Variants in ALG12 observed in about 807,000 individuals in gnomAD.
ALG12 encodes the protein ALG12 alpha-1,6-mannosyltransferase.
In ALG12, 36 loss-of-function variants were observed where a neutral mutation model predicts 46.0. The ratio of observed to expected loss-of-function variants is 0.78; its 90% CI spans 0.60 to 1.03. ALG12 has a LOEUF of 1.03. Among genes scored for constraint, ALG12 ranks in the 50% least tolerant of loss-of-function variants. The pLI is 0.00. For synonymous variants in ALG12, 326 were observed against 291.6 expected (o/e 1.12, Z -1.20); for missense variants, 599 against 633.5 (o/e 0.95, Z 0.58).
At chr22:49,908,691 C>T (rs1247438513) in intron 6 of ALG12, among the ~76,000 whole-genome samples, 1 of 144,552 alleles carries the variant, frequency 6.9e-6, no homozygotes, top group Non-Finnish European at 1.5e-5. Flanking sequence ...GTGGCTCACA[C>T]CTGTAATCCC....
At chr22:49,873,005 A>AT in the ALG12 span, among the ~76,000 whole-genome samples, 1 of 151,908 alleles carries the variant, frequency 6.6e-6, no homozygotes, top group Admixed American at 6.6e-5. Context: ...CAATGTTTTA[A>AT]TTTTTTGTAG....
the ALG12 span, chr22:49,885,417 C>T: frequency 6.2e-7 from 1 of 1,607,046 alleles, no homozygotes; most frequent in Non-Finnish European, 8.5e-7. Flanking sequence ...GTGGCCGGAC[C>T]ATCAGCCGGG....
chr22:49,876,313 A>C, the ALG12 span, among the ~76,000 whole-genome samples: 1 of 152,114 alleles, frequency 6.6e-6, no homozygotes, highest in East Asian at 1.9e-4. Context: ...TGTTGTTTGA[A>C]TCTTCCGTGT....
intron 6 of ALG12, among the ~76,000 whole-genome samples, chr22:49,908,402 C>T (rs2060555917): frequency 1.4e-5 from 2 of 145,010 alleles, no homozygotes; most frequent in Admixed American, 6.8e-5. Context: ...GTGGCATGTG[C>T]CTGTAATCCC....
intron 3 of ALG12, among the ~76,000 whole-genome samples, chr22:49,911,950 C>A (rs548155369): frequency 3.3e-5 from 5 of 152,226 alleles, no homozygotes; most frequent in African/African-American, 4.8e-5. Flanking sequence ...CCGTGCCCAA[C>A]AAGGGTAGCC....
chr22:49,880,394 C>T, the ALG12 span, among the ~76,000 whole-genome samples: 15 of 152,262 alleles, frequency 9.9e-5, no homozygotes, highest in African/African-American at 2.9e-4. Context: ...TAGCTCCCTC[C>T]TCTCCCGCGC....
intron 6 of ALG12, 98 bp from the exon 7 acceptor site, chr22:49,908,042 G>T: frequency 8.2e-7 from 1 of 1,217,842 alleles, no homozygotes; most frequent in Non-Finnish European, 1.2e-6. Context: ...AGACAGTTGT[G>T]CTGAGAGATG....
At position 49,901,412 on chromosome 22, in the gene ALG12, CAA is replaced by C. The variant is rs1307644531; in HGVS notation, c.*2424_*2425del. The C allele has an allele frequency of 1.3e-5, 2 of 152,298 alleles. No homozygotes were observed. Among genetic ancestry groups the C allele is most frequent in the Non-Finnish European group, 1.5e-5 (1 of 68,078 alleles). 9.4% of individuals were successfully genotyped at this position (152,298 alleles called of 1,614,324 possible). A position where few individuals can be genotyped will look rare whatever the true frequency, so the allele number is the denominator to read the frequency against. On this transcript the variant is annotated 3_prime_UTR_variant, in exon 10 of 10. Coordinates refer to ENST00000330817, the MANE Select transcript of ALG12 (RefSeq NM_024105.4). ...CACCTGGGCAACAGCCACAAGCTCT[CAA>C]AGAGCACAGGAAGAAATCATGTCTT...
the ALG12 span, among the ~76,000 whole-genome samples, chr22:49,878,488 T>C: frequency 1.3e-5 from 2 of 152,158 alleles, no homozygotes; most frequent in Non-Finnish European, 2.9e-5. Flanking sequence ...CAAAGTTACA[T>C]GGGCACTTCA....
At chr22:49,907,627 A>C in intron 7 of ALG12, 94 bp downstream of exon 7, 1 of 1,407,210 alleles carries the variant, frequency 7.1e-7, no homozygotes, top group Non-Finnish European at 9.8e-7. Flanking sequence ...CCTGTTTCAA[A>C]AATTAAACAC....
the ALG12 span, chr22:49,889,290 G>GT: frequency 2.4e-5 from 4 of 167,054 alleles, no homozygotes; most frequent in South Asian, 2.1e-4. Flanking sequence ...AGTCACAGCT[G>GT]TTTTTTTAAC....
At chr22:49,871,474 C>T in the ALG12 span, among the ~76,000 whole-genome samples, 4 of 151,930 alleles carry the variant, frequency 2.6e-5, no homozygotes, top group South Asian at 2.1e-4. Context: ...CAGAGTGAGA[C>T]TCTGTCTCAA....
At position 49,901,876 on chromosome 22, in the gene ALG12, GGT is replaced by G. The variant is rs1271777636; in HGVS notation, c.*1960_*1961del. The G allele has an allele frequency of 2.1e-5, 3 of 139,750 alleles. No individual in the cohort carries two copies. The highest frequency in any genetic ancestry group is 7.1e-5 in the Admixed American group (1 of 14,106). The allele number at this position is 139,750 out of a possible 1,614,324, so 8.7% of individuals were successfully genotyped here. On this transcript the variant is annotated 3_prime_UTR_variant, in exon 10 of 10. Coordinates refer to ENST00000330817, the MANE Select transcript of ALG12 (RefSeq NM_024105.4). ...TGCACTGTGTGTGGTGTGTATTCAT[GGT>G]GTGTGCACGTGTGCACTGTGTGTAT...
chr22:49,899,562 G>C (rs1302467952), downstream of ALG12, among the ~76,000 whole-genome samples: 1 of 151,960 alleles, frequency 6.6e-6, no homozygotes, highest in Non-Finnish European at 1.5e-5. Context: ...GCTCTGTGGG[G>C]TTGCAAAATG....
chr22:49,908,041 T>A, intron 6 of ALG12, 97 bp from the exon 7 acceptor site: 1 of 1,217,918 alleles, frequency 8.2e-7, no homozygotes, highest in Non-Finnish European at 1.2e-6. Context: ...AAGACAGTTG[T>A]GCTGAGAGAT....
the ALG12 span, among the ~76,000 whole-genome samples, chr22:49,877,978 A>G: frequency 8.6e-4 from 131 of 152,276 alleles, no homozygotes; most frequent in African/African-American, 3.0e-3. Context: ...TTTAGATACT[A>G]CATATAAAGC....
chr22:49,901,171 AAG>A lies in ALG12; in HGVS notation c.*2665_*2666del, dbSNP rs1486383481. The A allele has an allele frequency of 6.6e-6, 1 of 152,286 alleles. No individual in the cohort carries two copies. The highest frequency in any genetic ancestry group is 1.5e-5 in the Non-Finnish European group (1 of 68,056). 9.4% of individuals were successfully genotyped at this position (152,286 alleles called of 1,614,324 possible). A position where few individuals can be genotyped will look rare whatever the true frequency, so the allele number is the denominator to read the frequency against. On this transcript the variant is annotated 3_prime_UTR_variant, in exon 10 of 10. Coordinates refer to ENST00000330817, the MANE Select transcript of ALG12 (RefSeq NM_024105.4). Reference sequence around the variant, plus strand: ...GCAATCCACATGTGGCCAGCGATAAAAGAGAACAAACGAGCGTGGATAACCAG... The same window carrying A: ...GCAATCCACATGTGGCCAGCGATAAAAGAACAAACGAGCGTGGATAACCAG...
intron 1 of ALG12, among the ~76,000 whole-genome samples, chr22:49,916,654 C>A (rs2060610906): frequency 6.6e-6 from 1 of 152,176 alleles, no homozygotes. Context: ...GAGTTCAAGA[C>A]CAACCTGGGC....
chr22:49,899,273 G>A (rs1299740855), downstream of ALG12, among the ~76,000 whole-genome samples: 3 of 152,176 alleles, frequency 2.0e-5, no homozygotes, highest in South Asian at 6.2e-4. Context: ...TCAGGAGTTC[G>A]AGACCAGCCT....
Sources: gnomAD v4.1 joint callset for allele counts (sites outside exome capture counted in the v4.1 genomes callset) on GRCh38, gnomAD v4.1.1 for gene constraint, MANE v1.5 for transcripts, NCBI Gene and HGNC (gene_info 2026-07-23, HGNC 2026-07-21) for gene names.